The following SH2D3C variants were observed in gnomAD, a reference collection of about 807,000 sequenced individuals.
SH2D3C encodes SH2 domain containing 3C.
A neutral mutation model predicts 75.2 loss-of-function variants in SH2D3C; 25 were observed. That is an observed-to-expected ratio of 0.33 (90% CI 0.24 to 0.46). The LOEUF (loss-of-function observed/expected upper bound fraction) is 0.46, where lower values mean the gene tolerates loss of function less well. SH2D3C is among the 20% of genes least tolerant of loss of function. SH2D3C has a pLI of 1.00. For missense variants in SH2D3C, 933 were observed against 1,165.3 expected (o/e 0.80, Z 2.90); for synonymous variants, 450 against 473.7 (o/e 0.95, Z 0.65).
chr9:127,759,844 G>A (rs573769912), intron 3 of SH2D3C, among the ~76,000 whole-genome samples: 5 of 151,774 alleles, frequency 3.3e-5, no homozygotes, highest in African/African-American at 9.7e-5. Flanking sequence ...TTAGCCCGGC[G>A]TGGTGGCAGG....
At chr9:127,766,175 C>G (rs1190350315) in intron 2 of SH2D3C, among the ~76,000 whole-genome samples, 5 of 152,224 alleles carry the variant, frequency 3.3e-5, no homozygotes, top group African/African-American at 1.2e-4. Context: ...CTGCCCCACC[C>G]TGGCCCTCTT....
At chr9:127,768,369 G>GTA (rs1845674340) in intron 2 of SH2D3C, among the ~76,000 whole-genome samples, 1 of 152,096 alleles carries the variant, frequency 6.6e-6, no homozygotes, top group East Asian at 1.9e-4. Flanking sequence ...GCAACACAGG[G>GTA]TACCCCTGGT....
chr9:127,770,875 G>A (rs1408289996), intron 2 of SH2D3C, among the ~76,000 whole-genome samples: 2 of 152,180 alleles, frequency 1.3e-5, no homozygotes, highest in East Asian at 1.9e-4. Context: ...TAAGAGCATG[G>A]GCCAGGAAGC....
chr9:127,765,264 A>G (rs546537208), intron 2 of SH2D3C, among the ~76,000 whole-genome samples: 1 of 152,058 alleles, frequency 6.6e-6, no homozygotes, highest in Admixed American at 6.5e-5. Flanking sequence ...CCACTACCAC[A>G]TTCCCTTCCC....
chr9:127,775,699 A>G (rs1262912592), intron 1 of SH2D3C, among the ~76,000 whole-genome samples: 1 of 151,644 alleles, frequency 6.6e-6, no homozygotes, highest in Non-Finnish European at 1.5e-5. Flanking sequence ...AATCCCAGCT[A>G]CTTGGGAGGC....
chr9:127,746,801 G>C lies in SH2D3C; in HGVS notation c.1264+346C>G, dbSNP rs576111880. Among the ~76,000 whole-genome samples, 3 of 152,326 alleles carry C rather than the reference G, an allele frequency of 2.0e-5. No homozygotes were observed. The East Asian group carries it at 5.8e-4, about 29-fold the overall frequency. On this transcript the variant is annotated intron_variant, in intron 6 of 11. Transcript: ENST00000314830. ...AAAAATACAAAAATTAGCCAGGCGT[G>C]GTGGCAGGGGTCTGTAATCCCAGCT...
intron 4 of SH2D3C, among the ~76,000 whole-genome samples, chr9:127,750,197 T>A (rs1303827388): frequency 1.3e-5 from 2 of 151,676 alleles, no homozygotes; most frequent in African/African-American, 4.9e-5. Flanking sequence ...GGAGTCTCAC[T>A]GTCACCCAGG....
chr9:127,755,301 C>T, intron 3 of SH2D3C: 3 of 177,184 alleles, frequency 1.7e-5, no homozygotes, highest in Non-Finnish European at 3.0e-5. Flanking sequence ...GGGGGAGGAG[C>T]GGGGAGGCGG....
chr9:127,761,535 GCT>G, intron 3 of SH2D3C, 74 bp downstream of exon 3: 1 of 1,065,542 alleles, frequency 9.4e-7, no homozygotes, highest in Non-Finnish European at 1.4e-6. Context: ...TTGAGGAAGG[GCT>G]CTGCCCACCC....
chr9:127,770,068 G>A (rs1845705077), intron 2 of SH2D3C, among the ~76,000 whole-genome samples: 1 of 152,144 alleles, frequency 6.6e-6, no homozygotes, highest in African/African-American at 2.4e-5. Context: ...ATGGATTGAG[G>A]AGGGAGGGTG....
Position 127,774,310 on chromosome 9 carries a change from TG to T in SH2D3C, c.194del (p.Pro65GlnfsTer59), listed in dbSNP as rs776070179. 2 of 1,613,988 alleles carry T rather than the reference TG, an allele frequency of 1.2e-6. No homozygotes were observed. Among genetic ancestry groups the T allele is most frequent in the East Asian group, 4.5e-5 (2 of 44,868 alleles). On this transcript the variant is annotated frameshift_variant, in exon 2 of 12. Coordinates refer to ENST00000314830, the MANE Select transcript of SH2D3C (RefSeq NM_170600.3). LOFTEE classifies it high-confidence loss of function. This position sits in a 1 kb window ranked among gnomAD's most constrained non-coding sequence, Gnocchi z 4.3. ...ACATGTCACTGGAGCGGGCATAGGC[TG>T]GGGGACTCTTGGGCACCGTCACCAT... ...DDMVTVPKSPPAYARSSDMYS... is the reference protein window; with the variant it reads ...DDMVTVPKSPXAYARSSDMYS...
chr9:127,751,107 C>T lies in SH2D3C; in HGVS notation c.684+65G>A. 1 of 1,569,862 alleles carries T rather than the reference C, an allele frequency of 6.4e-7. No homozygotes were observed. Among genetic ancestry groups the T allele is most frequent in the East Asian group, 2.2e-5 (1 of 44,652 alleles). On this transcript the variant is annotated intron_variant, in intron 4 of 11. Coordinates refer to ENST00000314830, the MANE Select transcript of SH2D3C (RefSeq NM_170600.3). This position sits in a 1 kb window ranked among gnomAD's most constrained non-coding sequence, Gnocchi z 4.1. ...GCCTCCCAGGTGGCTGCAGCCAGGG[C>T]TGGGGCTGGCCAAGGCAGTGGGTGG...
chr9:127,767,904 C>T (rs1161078948), intron 2 of SH2D3C, among the ~76,000 whole-genome samples: 1 of 152,208 alleles, frequency 6.6e-6, no homozygotes, highest in Non-Finnish European at 1.5e-5. Flanking sequence ...CCCTATCCTC[C>T]CCAGCCCTCA....
chr9:127,771,383 TGCC>T, intron 2 of SH2D3C: 2 of 1,330,228 alleles, frequency 1.5e-6, no homozygotes, highest in African/African-American at 1.5e-5. Context: ...CTGCGCTCCT[TGCC>T]CGGCCCCACT....
At chr9:127,740,794 C>A (rs1410733774) in intron 9 of SH2D3C, among the ~76,000 whole-genome samples, 1 of 152,224 alleles carries the variant, frequency 6.6e-6, no homozygotes, top group African/African-American at 2.4e-5. Context: ...GATTCTCCTG[C>A]CTCAGCCTGC....
chr9:127,763,111 G>C (rs1397867706), intron 2 of SH2D3C, among the ~76,000 whole-genome samples: 1 of 152,134 alleles, frequency 6.6e-6, no homozygotes, highest in Non-Finnish European at 1.5e-5. Context: ...TGTTCCCTCT[G>C]CCTGGAATGC....
At chr9:127,762,287 G>A in intron 2 of SH2D3C, 1 of 1,268,116 alleles carries the variant, frequency 7.9e-7, no homozygotes, top group South Asian at 1.3e-5. Flanking sequence ...TTCCTCCTGA[G>A]GGCCACCGTG....
chr9:127,753,396 C>T (rs1255493791), intron 3 of SH2D3C, among the ~76,000 whole-genome samples: 1 of 152,122 alleles, frequency 6.6e-6, no homozygotes, highest in African/African-American at 2.4e-5. Context: ...GCAGGAGCAG[C>T]TTGGTGGTGG....
intron 5 of SH2D3C, among the ~76,000 whole-genome samples, chr9:127,748,339 G>A (rs1248541390): frequency 3.3e-5 from 5 of 152,068 alleles, no homozygotes; most frequent in African/African-American, 1.2e-4. Flanking sequence ...CAGCCCACAG[G>A]GTATCCATTC....
Sources: gnomAD v4.1 joint callset for allele counts (sites outside exome capture counted in the v4.1 genomes callset) on GRCh38, gnomAD v4.1.1 for gene constraint, Gnocchi (gnomAD v3.1) non-coding constraint, MANE v1.5 for transcripts, NCBI Gene and HGNC (gene_info 2026-07-23, HGNC 2026-07-21) for gene names.